Variants in OR3A2 observed in about 807,000 individuals in gnomAD.
OR3A2 encodes the protein olfactory receptor family 3 subfamily A member 2.
For synonymous variants in OR3A2, 126 were observed against 159.3 expected (o/e 0.79, Z 1.57); for missense variants, 318 against 392.8 (o/e 0.81, Z 1.61).
At position 3,311,061 on chromosome 17, in the gene OR3A2, G is replaced by C. The variant is rs769879701; in HGVS notation, c.-85+24972C>G. ...CACGTGTAGTTCCCACCTCACTGTG[G>C]TGGGCATCTTCTATGGGACGGGCGT... On this transcript the variant is annotated intron_variant, in intron 3 of 4. Transcript: ENST00000573491. The surrounding 1 kb of genome is among the most constrained non-coding windows in gnomAD (Gnocchi z 4.6). The C allele has an allele frequency of 1.8e-6, 1 of 546,114 alleles. No individual in the cohort carries two copies. Among genetic ancestry groups the C allele is most frequent in the East Asian group, 5.2e-5 (1 of 19,152 alleles). 33.8% of individuals were successfully genotyped at this position (546,114 alleles called of 1,614,324 possible). A position where few individuals can be genotyped will look rare whatever the true frequency, so the allele number is the denominator to read the frequency against.
At chr17:3,350,709 A>G (rs1401901148) in intron 2 of OR3A2, among the ~76,000 whole-genome samples, 13 of 151,554 alleles carry the variant, frequency 8.6e-5, no homozygotes, top group Non-Finnish European at 1.6e-4. Flanking sequence ...CTGATACCAA[A>G]GCCGGGCAGA....
At chr17:3,286,997 T>C (rs1379225640), upstream of OR3A2, among the ~76,000 whole-genome samples, 2 of 152,230 alleles carry the variant, frequency 1.3e-5, no homozygotes, top group South Asian at 4.1e-4. Context: ...CCCATGCCTA[T>C]GTCCTGAATG....
chr17:3,288,246 C>CAAA, upstream of OR3A2, among the ~76,000 whole-genome samples: 47 of 73,470 alleles, frequency 6.4e-4, no homozygotes, highest in African/African-American at 1.7e-3. Flanking sequence ...ACCAAAAGGG[C>CAAA]AAAAAAAAAA....
chr17:3,326,549 TTTTTC>T (rs1037862754), intron 3 of OR3A2, among the ~76,000 whole-genome samples: 26 of 146,052 alleles, frequency 1.8e-4, no homozygotes, highest in African/African-American at 6.7e-4. Flanking sequence ...CTGTCTTTTT[TTTTTC>T]TTCTTTTTTT....
downstream of OR3A2, among the ~76,000 whole-genome samples, chr17:3,276,180 T>C (rs1325982482): frequency 6.6e-6 from 1 of 151,228 alleles, no homozygotes; most frequent in African/African-American, 2.4e-5. Context: ...ACCCAAATTA[T>C]AGAAATAGAG....
Position 3,311,779 on chromosome 17 carries a change from C to A in OR3A2, c.-85+24254G>T. 4.5e-6 allele frequency: 1 copy of A among 224,624 alleles called. No homozygotes were observed. Among genetic ancestry groups the A allele is most frequent in the South Asian group, 7.8e-5 (1 of 12,782 alleles). 13.9% of individuals were successfully genotyped at this position (224,624 alleles called of 1,614,324 possible). ...AACTGGCTTCTTCAGTTACATGTGT[C>A]TGGGCTCAGTCTCAGCCTCAGACAA... On this transcript the variant is annotated intron_variant, in intron 3 of 4. Coordinates refer to the OR3A2 transcript ENST00000573491. This position sits in a 1 kb window ranked among gnomAD's most constrained non-coding sequence, Gnocchi z 4.6.
At chr17:3,324,329 T>G (rs969934208) in intron 3 of OR3A2, among the ~76,000 whole-genome samples, 2 of 152,100 alleles carry the variant, frequency 1.3e-5, no homozygotes, top group Non-Finnish European at 2.9e-5. Flanking sequence ...TTGGAGTAAT[T>G]TGATCGTCTG....
intron 3 of OR3A2, among the ~76,000 whole-genome samples, chr17:3,303,838 G>A (rs1394960055): frequency 6.6e-6 from 1 of 150,590 alleles, no homozygotes; most frequent in Non-Finnish European, 1.5e-5. Context: ...GTTGCAGTGA[G>A]CCGAGATCAT....
At chr17:3,313,635 G>A (rs1480010823) in intron 3 of OR3A2, among the ~76,000 whole-genome samples, 2 of 152,152 alleles carry the variant, frequency 1.3e-5, no homozygotes, top group East Asian at 1.9e-4. Context: ...TTTCAACCAC[G>A]GGTGCTCACT....
At chr17:3,296,572 C>T (rs954247488) in intron 3 of OR3A2, among the ~76,000 whole-genome samples, 2 of 151,888 alleles carry the variant, frequency 1.3e-5, no homozygotes, top group Non-Finnish European at 2.9e-5. Context: ...AAAGAAAATA[C>T]AACTGTATAA....
intron 3 of OR3A2, among the ~76,000 whole-genome samples, chr17:3,306,193 C>A (rs754981776): frequency 3.9e-5 from 6 of 152,084 alleles, no homozygotes; most frequent in Admixed American, 6.5e-5. Context: ...GCTCTGTTAC[C>A]CAGGCCGAAA....
chr17:3,385,345 G>A (rs76860054), intron 1 of OR3A2, among the ~76,000 whole-genome samples: 2 of 152,244 alleles, frequency 1.3e-5, no homozygotes, highest in Non-Finnish European at 2.9e-5. Context: ...GCTCCTAATT[G>A]TTTAAACAAA....
chr17:3,331,078 A>G (rs1324493539), intron 3 of OR3A2, among the ~76,000 whole-genome samples: 2 of 152,174 alleles, frequency 1.3e-5, no homozygotes, highest in African/African-American at 2.4e-5. Flanking sequence ...CTGCCGAGAG[A>G]TCAGCTGTTA....
intron 2 of OR3A2, among the ~76,000 whole-genome samples, chr17:3,345,281 T>A (rs1015605754): frequency 7.2e-5 from 11 of 152,130 alleles, no homozygotes; most frequent in African/African-American, 2.7e-4. Context: ...AAGTAAATAA[T>A]CCGGACACAT....
At chr17:3,377,769 G>C (rs893512762) in intron 2 of OR3A2, among the ~76,000 whole-genome samples, 1 of 152,136 alleles carries the variant, frequency 6.6e-6, no homozygotes, top group African/African-American at 2.4e-5. Flanking sequence ...CCAGTAGAAA[G>C]GCTAAAATTA....
At chr17:3,292,101 G>A in intron 3 of OR3A2, 2 of 1,614,208 alleles carry the variant, frequency 1.2e-6, no homozygotes, top group Non-Finnish European at 8.5e-7. Context: ...CACAGTGTGG[G>A]TCAGTGCGTT....
intron 2 of OR3A2, among the ~76,000 whole-genome samples, chr17:3,370,826 C>T (rs2049609310): frequency 6.6e-6 from 1 of 151,630 alleles, no homozygotes; most frequent in African/African-American, 2.4e-5. Context: ...GTGGTGATGA[C>T]TCTTAACGAG....
intron 3 of OR3A2, among the ~76,000 whole-genome samples, chr17:3,294,191 T>G (rs2048901704): frequency 6.6e-6 from 1 of 150,664 alleles, no homozygotes; most frequent in African/African-American, 2.4e-5. Flanking sequence ...AAAAAAAAAC[T>G]TAAGGAGGCA....
intron 2 of OR3A2, among the ~76,000 whole-genome samples, chr17:3,361,269 C>T (rs2049512664): frequency 6.6e-6 from 1 of 151,060 alleles, no homozygotes; most frequent in African/African-American, 2.5e-5. Context: ...GATTTTGTAT[C>T]CTGAGACTTT....
Sources: gnomAD v4.1 joint callset for allele counts (sites outside exome capture counted in the v4.1 genomes callset) on GRCh38, gnomAD v4.1.1 for gene constraint, Gnocchi (gnomAD v3.1) non-coding constraint, MANE v1.5 for transcripts, NCBI Gene and HGNC (gene_info 2026-07-23, HGNC 2026-07-21) for gene names.